The following BTN3A3 variants were observed in gnomAD, a reference collection of about 807,000 sequenced individuals.
BTN3A3 encodes butyrophilin subfamily 3 member A3, also known as butyrophilin 3.
A neutral mutation model predicts 43.2 loss-of-function variants in BTN3A3; 39 were observed. The observed-to-expected ratio is 0.90, with a 90% CI of 0.70 to 1.18. BTN3A3 has a LOEUF of 1.18. BTN3A3 is among the 50% of genes most tolerant of loss of function. The pLI is 0.00. For synonymous variants in BTN3A3, 255 were observed against 272.7 expected, an observed-to-expected ratio of 0.93 and a Z score of 0.64; for missense variants, 631 against 722.8, an observed-to-expected ratio of 0.87 and a Z score of 1.46.
At chr6:26,449,535 A>G in intron 8 of BTN3A3, 127 bp from the exon 9 acceptor site, 1 of 967,010 alleles carries the variant, frequency 1.0e-6, no homozygotes, top group Non-Finnish European at 1.6e-6. Context: ...TTGAGCTTGC[A>G]GAGTGAGACC....
intron 9 of BTN3A3, 92 bp from the exon 10 acceptor site, chr6:26,450,015 A>G (rs1762886242): frequency 7.1e-7 from 1 of 1,410,182 alleles, no homozygotes; most frequent in Admixed American, 1.7e-5. Flanking sequence ...ACTCTGAAGA[A>G]AAGGAGAGAA....
chr6:26,450,182 A>G, intron 10 of BTN3A3, 49 bp downstream of exon 10: 1 of 1,590,234 alleles, frequency 6.3e-7, no homozygotes, highest in Non-Finnish European at 8.6e-7. Context: ...GAGGGACTAT[A>G]TTCCTTTCTC....
In BTN3A3 at chr6:26,448,291, A is replaced by G; in HGVS notation, c.759A>G (p.Ala253=). ...RSAQPWIAAL[A]GTLPISLLLL... ...CCCAGCCCTGGATCGCGGCCCTGGCAGGGACCCTGCCTATCTCGTTGCTGC... is the reference window on the plus strand; with the variant it reads ...CCCAGCCCTGGATCGCGGCCCTGGCGGGGACCCTGCCTATCTCGTTGCTGC... Residue 253 remains alanine (A), a synonymous_variant, in exon 6 of 11, where the codon GCA becomes GCG. Coordinates refer to ENST00000244519, the MANE Select transcript of BTN3A3 (RefSeq NM_006994.5). The G allele has an allele frequency of 6.2e-7, 1 of 1,613,060 alleles. No homozygotes were observed. Among genetic ancestry groups the G allele is most frequent in the Non-Finnish European group, 8.5e-7 (1 of 1,179,760 alleles).
chr6:26,448,940 C>T (rs529873784), intron 8 of BTN3A3, among the ~76,000 whole-genome samples, 186 bp downstream of exon 8: 1 of 151,996 alleles, frequency 6.6e-6, no homozygotes, highest in Admixed American at 6.5e-5. Context: ...TCTCTCTCGT[C>T]TATCTCTCTC....
rs946833428 is a variant in BTN3A3 at position 26,453,409 on chromosome 6, A to G, written c.*998A>G. ...TAGTTGTTCAATAAATGTGTTAATAATGCTTACTCCTCAGCTTGGCTTTTT... is the reference window on the plus strand; with the variant it reads ...TAGTTGTTCAATAAATGTGTTAATAGTGCTTACTCCTCAGCTTGGCTTTTT... On this transcript the variant is annotated 3_prime_UTR_variant, in exon 11 of 11. Transcript: ENST00000244519. The G allele has an allele frequency of 1.3e-5, 2 of 152,138 alleles. No homozygotes were observed. The highest frequency in any genetic ancestry group is 2.9e-5 in the Non-Finnish European group (2 of 68,028). The allele number at this position is 152,138 out of a possible 1,614,324, so 9.4% of individuals were successfully genotyped here.
chr6:26,446,684 T>A (rs1250524178), intron 5 of BTN3A3, among the ~76,000 whole-genome samples: 1 of 152,212 alleles, frequency 6.6e-6, no homozygotes, highest in Non-Finnish European at 1.5e-5. Context: ...CTTGCATTTG[T>A]ATGAGATGAT....
At chr6:26,446,585 G>T (rs1762784645) in intron 5 of BTN3A3, among the ~76,000 whole-genome samples, 1 of 152,218 alleles carries the variant, frequency 6.6e-6, no homozygotes, top group Non-Finnish European at 1.5e-5. Context: ...CGTGTCACTT[G>T]TATTTTTGGT....
At position 26,444,138 on chromosome 6, in the gene BTN3A3, G is replaced by C. The variant is rs1482065065; in HGVS notation, c.267G>C (p.Gln89His). 6.2e-7 allele frequency: 1 copy of C among 1,612,932 alleles called. No homozygotes were observed. The highest frequency in any genetic ancestry group is 2.2e-5 in the East Asian group (1 of 44,902). The stretch of plus-strand genomic sequence containing the variant: ...ATGGAAAGGAAGTGGAAGACAGGCA[G>C]AGTGCACCGTATCGAGGGAGAACTT... ...YADGKEVEDRQSAPYRGRTSI... is the reference protein window; with the variant it reads ...YADGKEVEDRHSAPYRGRTSI... The change falls in exon 4 of 11, where the codon CAG becomes CAC. Residue 89 changes from glutamine (Q) to histidine (H), a missense_variant. Gln to His is a conservative substitution (Grantham distance 24). Transcript: ENST00000244519.
At chr6:26,446,777 G>A (rs2113838139) in intron 5 of BTN3A3, among the ~76,000 whole-genome samples, 1 of 152,146 alleles carries the variant, frequency 6.6e-6, no homozygotes, top group East Asian at 1.9e-4. Context: ...TGCCCAGGAT[G>A]GAGTGCAATG....
Position 26,445,696 on chromosome 6 carries a change from T to C in BTN3A3, c.434-8T>C, listed in dbSNP as rs763764002. ...CTCAAGAATTTAGGGCAATTTATCC[T>C]TCTACAGCATTGGGTTCTGATCTTC... On this transcript the variant is annotated splice_region_variant and splice_polypyrimidine_tract_variant and intron_variant, in intron 4 of 10. Transcript: ENST00000244519. 1.2e-6 allele frequency: 2 copies of C among 1,612,020 alleles called. No homozygotes were observed. Among genetic ancestry groups the C allele is most frequent in the Admixed American group, 3.3e-5 (2 of 59,992 alleles).
Position 26,445,971 on chromosome 6 carries a change from G to A in BTN3A3, c.701G>A (p.Ser234Asn), listed in dbSNP as rs775930138. ...NSLLGLEKTA[S>N]ISIADPFFRS... is the part of the protein sequence containing the mutation. ...CTCCTCGGCCTGGAAAAGACAGCCA[G>A]CATATCCATCGCAGGTCAGTACCCT... is the stretch of plus-strand genomic sequence containing the variant. Residue 234 changes from serine (S) to asparagine (N), a missense_variant, in exon 5 of 11, where the codon AGC (serine) becomes AAC (asparagine). Coordinates refer to ENST00000244519, the MANE Select transcript of BTN3A3 (RefSeq NM_006994.5). The A allele has an allele frequency of 6.8e-6, 11 of 1,614,096 alleles. No homozygotes were observed. The highest frequency in any genetic ancestry group is 1.1e-5 in the South Asian group (1 of 91,092).
intron 10 of BTN3A3, among the ~76,000 whole-genome samples, chr6:26,451,279 T>A (rs757787481): frequency 2.0e-5 from 3 of 152,104 alleles, no homozygotes; most frequent in Non-Finnish European, 2.9e-5. Context: ...ATAAATTGGA[T>A]GTATGGAAAA....
At chr6:26,441,429 A>T (rs974688770) in intron 1 of BTN3A3, among the ~76,000 whole-genome samples, 1 of 151,552 alleles carries the variant, frequency 6.6e-6, no homozygotes, top group Admixed American at 6.6e-5. Context: ...AATTATCTAC[A>T]TTTGGCTACT....
chr6:26,445,456 G>T, intron 4 of BTN3A3: 1 of 508,700 alleles, frequency 2.0e-6, no homozygotes, highest in Non-Finnish European at 3.5e-6. Context: ...ATCTTTTTAT[G>T]TCTCCGGAAC....
intron 10 of BTN3A3, among the ~76,000 whole-genome samples, chr6:26,450,388 G>A (rs960290105): frequency 1.3e-5 from 2 of 152,160 alleles, no homozygotes; most frequent in African/African-American, 4.8e-5. Context: ...AAAGGGTGGA[G>A]CTGAGGGGAA....
intron 5 of BTN3A3, among the ~76,000 whole-genome samples, chr6:26,446,630 C>G (rs1445553549): frequency 6.6e-6 from 1 of 152,160 alleles, no homozygotes; most frequent in Non-Finnish European, 1.5e-5. Flanking sequence ...GGGATCTATC[C>G]AAACTACATA....
At chr6:26,450,602 G>C (rs1206854607) in intron 10 of BTN3A3, among the ~76,000 whole-genome samples, 1 of 152,194 alleles carries the variant, frequency 6.6e-6, no homozygotes, top group Non-Finnish European at 1.5e-5. Context: ...TGGGGGTGAG[G>C]TGAAGACTGA....
intron 5 of BTN3A3, among the ~76,000 whole-genome samples, chr6:26,446,271 T>A (rs1319100264): frequency 1.3e-5 from 2 of 152,174 alleles, no homozygotes; most frequent in Non-Finnish European, 2.9e-5. Flanking sequence ...AAGCTCCTTA[T>A]GTAAAGTCAA....
At chr6:26,441,731 T>C (rs775596103) in intron 1 of BTN3A3, among the ~76,000 whole-genome samples, 2 of 152,150 alleles carry the variant, frequency 1.3e-5, no homozygotes, top group Non-Finnish European at 2.9e-5. Flanking sequence ...GGGGTCTCAT[T>C]ATGTTACCCA....
Sources: allele counts gnomAD v4.1 joint callset (sites outside exome capture counted in the v4.1 genomes callset), GRCh38; gene constraint gnomAD v4.1.1; transcripts MANE v1.5; gene names NCBI Gene and HGNC (gene_info 2026-07-23, HGNC 2026-07-21).